The following GPHN variants were observed in gnomAD, a reference collection of about 807,000 sequenced individuals.
GPHN encodes the protein gephyrin.
A neutral mutation model predicts 95.5 loss-of-function variants in GPHN; 17 were observed. The ratio of observed to expected loss-of-function variants is 0.18; its 90% confidence interval spans 0.12 to 0.27. GPHN has a LOEUF of 0.27. Ranked by LOEUF, GPHN falls within the 10% of genes least tolerant of loss-of-function variation. The pLI is 1.00. For synonymous variants in GPHN, 320 were observed against 322.5 expected (o/e 0.99, Z 0.08); for missense variants, 660 against 978.1 (o/e 0.67, Z 4.34).
At chr14:67,690,231 T>C in the GPHN span, 1 of 1,613,528 alleles carries the variant, frequency 6.2e-7, no homozygotes, top group Non-Finnish European at 8.5e-7. Context: ...TCCGGGCCAG[T>C]TCCTGGGTGA....
chr14:67,397,791 G>C, the GPHN span: 2 of 1,612,874 alleles, frequency 1.2e-6, no homozygotes, highest in Non-Finnish European at 1.7e-6. Context: ...GCCGAAGGAT[G>C]AACCATCGCG....
chr14:67,369,457 A>G, the GPHN span, among the ~76,000 whole-genome samples: 1 of 152,254 alleles, frequency 6.6e-6, no homozygotes, highest in Non-Finnish European at 1.5e-5. Flanking sequence ...AAACAATTAG[A>G]TCAATGAAGA....
chr14:67,157,129 A>G (rs940661480), intron 18 of GPHN, among the ~76,000 whole-genome samples: 1 of 145,494 alleles, frequency 6.9e-6, no homozygotes, highest in East Asian at 1.9e-4. Flanking sequence ...AAAGTAAAAG[A>G]TTTGAAAAAG....
At chr14:66,642,562 T>G (rs1462684626) in intron 1 of GPHN, among the ~76,000 whole-genome samples, 2 of 151,322 alleles carry the variant, frequency 1.3e-5, no homozygotes, top group East Asian at 1.9e-4. Flanking sequence ...GATTTTTGTT[T>G]TTTTTTTTTT....
intron 1 of GPHN, among the ~76,000 whole-genome samples, chr14:66,544,553 G>A (rs1166556351): frequency 2.6e-5 from 4 of 151,578 alleles, no homozygotes; most frequent in Admixed American, 2.0e-4. Context: ...TTGAATGAAA[G>A]AAGAATGCAA....
chr14:67,376,070 T>A, the GPHN span, among the ~76,000 whole-genome samples: 5 of 152,228 alleles, frequency 3.3e-5, no homozygotes, highest in African/African-American at 1.2e-4. Context: ...TTTATCGTGA[T>A]TCTCTCCTCA....
the GPHN span, among the ~76,000 whole-genome samples, chr14:67,668,084 G>A: frequency 6.6e-6 from 1 of 151,976 alleles, no homozygotes; most frequent in South Asian, 2.1e-4. Context: ...AAAATAATAG[G>A]GTCTTGTGTT....
the GPHN span, among the ~76,000 whole-genome samples, chr14:67,575,065 C>T: frequency 6.6e-6 from 1 of 152,206 alleles, no homozygotes; most frequent in African/African-American, 2.4e-5. Flanking sequence ...TTTTCCCTCC[C>T]TCCCTCCCGG....
the GPHN span, among the ~76,000 whole-genome samples, chr14:67,683,488 CT>C: frequency 6.6e-6 from 1 of 152,194 alleles, no homozygotes; most frequent in Non-Finnish European, 1.5e-5. Flanking sequence ...AACTGTTACT[CT>C]TTGGCTGAAC....
chr14:67,071,039 T>C (rs1264749277), intron 11 of GPHN, among the ~76,000 whole-genome samples: 1 of 152,176 alleles, frequency 6.6e-6, no homozygotes, highest in Non-Finnish European at 1.5e-5. Context: ...TTGGTGGGAC[T>C]GTAAACTAGT....
In GPHN at chr14:67,040,741, T is replaced by C. The variant is rs558043639; in HGVS notation, c.1006+17066T>C. On this transcript the variant is annotated intron_variant, in intron 10 of 22. Coordinates refer to ENST00000478722, the MANE Select transcript of GPHN (RefSeq NM_020806.5). ...AAATTTATATTTTTCTCAGGTTTCTTAATGGTTTAATTCTTGTTATACATT... is the reference window on the plus strand; with the variant it reads ...AAATTTATATTTTTCTCAGGTTTCTCAATGGTTTAATTCTTGTTATACATT... 1.3e-3 allele frequency among the ~76,000 whole-genome samples: 202 copies of C among 152,330 alleles called. 1 individual carries two copies. Among genetic ancestry groups the C allele is most frequent in the Non-Finnish European group, 2.4e-3 (166 of 68,030 alleles).
At chr14:67,497,765 C>T in the GPHN span, among the ~76,000 whole-genome samples, 1 of 151,878 alleles carries the variant, frequency 6.6e-6, no homozygotes, top group African/African-American at 2.4e-5. Context: ...TGGAAAGTCA[C>T]GTCAACCCCA....
chr14:67,310,049 T>C, the GPHN span, among the ~76,000 whole-genome samples: 1 of 147,598 alleles, frequency 6.8e-6, no homozygotes, highest in South Asian at 2.2e-4. Flanking sequence ...ATTGATAGGA[T>C]GGTGCTCAAG....
chr14:67,056,648 G>A (rs2075583807), intron 10 of GPHN, among the ~76,000 whole-genome samples: 1 of 152,224 alleles, frequency 6.6e-6, no homozygotes, highest in Admixed American at 6.5e-5. Flanking sequence ...CCAGACTCAG[G>A]AGCCCAGCTG....
rs757688538 is a variant in GPHN, at chr14:66,508,578, C to T, written c.51C>T (p.Val17=). Residue 17 remains valine, a synonymous_variant, in exon 1 of 23, where the codon GTC becomes GTT. Coordinates refer to ENST00000478722, the MANE Select transcript of GPHN (RefSeq NM_020806.5). ...ILTNHDHQIR[V]GVLTVSDSCF... is the part of the protein sequence containing the mutation. ...CTAACCACGACCATCAAATCCGTGT[C>T]GGAGTCCTTACAGGTAACCGGGGGA... The T allele has an allele frequency of 2.5e-6, 4 of 1,613,682 alleles. No individual in the cohort carries two copies. Among genetic ancestry groups the T allele is most frequent in the South Asian group, 1.1e-5 (1 of 91,086 alleles).
chr14:67,703,712 G>A, the GPHN span, among the ~76,000 whole-genome samples: 1 of 152,144 alleles, frequency 6.6e-6, no homozygotes, highest in African/African-American at 2.4e-5. Context: ...GTTTCACTCT[G>A]TTGCCCAGGC....
chr14:67,421,583 G>A, the GPHN span, among the ~76,000 whole-genome samples: 272 of 152,198 alleles, frequency 1.8e-3, no homozygotes, highest in African/African-American at 6.2e-3. Context: ...TACCACCATC[G>A]CTCAGAAATA....
chr14:67,199,216 A>G, the GPHN span: 1 of 1,607,198 alleles, frequency 6.2e-7, no homozygotes, highest in South Asian at 1.1e-5. Context: ...GTCACTGGCC[A>G]GCACCAAGGC....
intron 18 of GPHN, among the ~76,000 whole-genome samples, chr14:67,147,902 T>C (rs1235444492): frequency 6.6e-6 from 1 of 152,218 alleles, no homozygotes; most frequent in African/African-American, 2.4e-5. Flanking sequence ...AATCTAATTA[T>C]TCCCAGCATT....
Sources: allele counts gnomAD v4.1 joint callset (sites outside exome capture counted in the v4.1 genomes callset), GRCh38; gene constraint gnomAD v4.1.1; transcripts MANE v1.5; gene names NCBI Gene and HGNC (gene_info 2026-07-23, HGNC 2026-07-21).